Variants in CRB1 observed in about 807,000 individuals in gnomAD.
CRB1 encodes the protein protein crumbs homolog 1.
Under a neutral mutation model 120.0 loss-of-function variants are expected in CRB1, and 83 were observed. That is an observed-to-expected ratio of 0.69 (90% CI 0.58 to 0.83). The LOEUF is 0.83. CRB1 is among the 40% of genes least tolerant of loss of function. The probability of loss-of-function intolerance (pLI) is 0.00; values close to 1 mark genes in which losing one functional copy is unlikely to be tolerated. For missense variants in CRB1, 1,699 were observed against 1,687.6 expected (o/e 1.01, Z -0.12); for synonymous variants, 625 against 612.5 (o/e 1.02, Z -0.30).
At chr1:197,296,980 C>T (rs1362513713) in intron 1 of CRB1, among the ~76,000 whole-genome samples, 2 of 152,042 alleles carry the variant, frequency 1.3e-5, no homozygotes, top group Non-Finnish European at 2.9e-5. Flanking sequence ...TCTTTACCAG[C>T]AGCATGAAAA....
chr1:197,348,936 A>G (rs1002089410), intron 4 of CRB1, among the ~76,000 whole-genome samples: 3 of 152,202 alleles, frequency 2.0e-5, no homozygotes, highest in African/African-American at 7.2e-5. Flanking sequence ...ATAAACCTAG[A>G]GTAGCCTAAG....
At chr1:197,399,464 C>T (rs2125429446) in intron 5 of CRB1, among the ~76,000 whole-genome samples, 1 of 152,206 alleles carries the variant, frequency 6.6e-6, no homozygotes, top group African/African-American at 2.4e-5. Flanking sequence ...CTCTGCTAGC[C>T]ATAGTCTGTG....
chr1:197,377,951 A>G (rs780350819), intron 5 of CRB1, among the ~76,000 whole-genome samples: 1 of 152,180 alleles, frequency 6.6e-6, no homozygotes, highest in Non-Finnish European at 1.5e-5. Context: ...TCCCGGCACT[A>G]TCTTTGAGTC....
At chr1:197,378,710 CAA>C in intron 5 of CRB1, among the ~76,000 whole-genome samples, 1 of 140,422 alleles carries the variant, frequency 7.1e-6, no homozygotes, top group African/African-American at 2.5e-5. Flanking sequence ...TTGCTTTTTT[CAA>C]AGAGTTTCTT....
chr1:197,443,073 A>C (rs1013910022), intron 11 of CRB1: 1 of 150,612 alleles, frequency 6.6e-6, no homozygotes, highest in African/African-American at 2.4e-5. Context: ...GCAATGAGCC[A>C]AGATTGTGCC....
At chr1:197,411,382 T>C (rs1046681694) in intron 5 of CRB1, among the ~76,000 whole-genome samples, 1 of 152,216 alleles carries the variant, frequency 6.6e-6, no homozygotes, top group African/African-American at 2.4e-5. Context: ...TAGGCTGCTG[T>C]ACATTATGTA....
At chr1:197,405,583 G>A (rs1009775278) in intron 5 of CRB1, among the ~76,000 whole-genome samples, 3 of 151,152 alleles carry the variant, frequency 2.0e-5, no homozygotes, top group Non-Finnish European at 4.4e-5. Flanking sequence ...GCCCAGTCTG[G>A]AAAGTGAGGA....
chr1:197,236,140 T>C, the CRB1 span, among the ~76,000 whole-genome samples: 1 of 151,710 alleles, frequency 6.6e-6, no homozygotes, highest in African/African-American at 2.4e-5. Flanking sequence ...TGGGGTGAAC[T>C]TGAGAAGTAG....
intron 2 of CRB1, among the ~76,000 whole-genome samples, chr1:197,343,791 T>C (rs1275974174): frequency 6.6e-6 from 1 of 152,200 alleles, no homozygotes; most frequent in East Asian, 1.9e-4. Flanking sequence ...TATCGTCTTT[T>C]TCACATGAGG....
chr1:197,292,628 T>C (rs1656258635), intron 1 of CRB1, among the ~76,000 whole-genome samples: 1 of 152,100 alleles, frequency 6.6e-6, no homozygotes, highest in Non-Finnish European at 1.5e-5. Flanking sequence ...TTTAGACCAA[T>C]ATCCCTGATG....
chr1:197,336,602 G>A (rs1571861452), intron 2 of CRB1, among the ~76,000 whole-genome samples: 1 of 152,120 alleles, frequency 6.6e-6, no homozygotes, highest in Admixed American at 6.6e-5. Context: ...AAGTTTCCAG[G>A]TTTTGACAAA....
intron 5 of CRB1, among the ~76,000 whole-genome samples, chr1:197,359,394 A>G (rs1250267722): frequency 1.3e-5 from 2 of 150,876 alleles, no homozygotes; most frequent in Non-Finnish European, 3.0e-5. Flanking sequence ...AGATTTATTG[A>G]GGTTGTGTGT....
intron 1 of CRB1, among the ~76,000 whole-genome samples, chr1:197,327,125 A>AAAAAAAC (rs1658560352): frequency 6.7e-6 from 1 of 148,656 alleles, no homozygotes; most frequent in Non-Finnish European, 1.5e-5. Flanking sequence ...AAAAAAAAAA[A>AAAAAAAC]AAAAAAACAG....
intron 5 of CRB1, chr1:197,364,024 C>T (rs1660929175): frequency 2.2e-6 from 3 of 1,385,352 alleles, no homozygotes; most frequent in Non-Finnish European, 3.1e-6. Flanking sequence ...GGAAATGGCT[C>T]ACAAGATCAA....
At chr1:197,252,582 A>ATATATATATATATGTGTGTGTG in the CRB1 span, among the ~76,000 whole-genome samples, 3 of 15,498 alleles carry the variant, frequency 1.9e-4, no homozygotes, top group Non-Finnish European at 4.2e-4. Context: ...ATATATATAT[A>ATATATATATATATGTGTGTGTG]TGTGTGTGTG....
chr1:197,311,697 T>TTG (rs1657529672), intron 1 of CRB1, among the ~76,000 whole-genome samples: 1 of 96,484 alleles, frequency 1.0e-5, no homozygotes, highest in Non-Finnish European at 2.1e-5. Context: ...CTCATATAGT[T>TTG]AGTGTGTGTG....
chr1:197,279,708 C>G (rs1037174327), intron 1 of CRB1, among the ~76,000 whole-genome samples: 1 of 151,718 alleles, frequency 6.6e-6, no homozygotes, highest in African/African-American at 2.4e-5. Flanking sequence ...GTAGTTTTTT[C>G]TGTAGGCTGG....
chr1:197,281,231 A>G (rs1655504356), intron 1 of CRB1, among the ~76,000 whole-genome samples: 1 of 151,882 alleles, frequency 6.6e-6, no homozygotes, highest in Non-Finnish European at 1.5e-5. Flanking sequence ...AGAAAAATGA[A>G]GCAGTGGGGA....
chr1:197,447,552 TG>T (rs1665758535), intron 11 of CRB1: 1 of 152,002 alleles, frequency 6.6e-6, no homozygotes, highest in Non-Finnish European at 1.5e-5. Flanking sequence ...CTTAAAAGGG[TG>T]TCTGCCAGCT....
Sources: allele counts gnomAD v4.1 joint callset (sites outside exome capture counted in the v4.1 genomes callset), GRCh38; gene constraint gnomAD v4.1.1; transcripts MANE v1.5; gene names NCBI Gene and HGNC (gene_info 2026-07-23, HGNC 2026-07-21).